Variants in LRP1 observed in about 807,000 individuals in gnomAD.
The protein encoded by LRP1 is LDL receptor related protein 1.
A neutral mutation model predicts 541.5 loss-of-function variants in LRP1; 51 were observed. The ratio of observed to expected loss-of-function variants is 0.09; its 90% CI spans 0.08 to 0.12. The LOEUF (loss-of-function observed/expected upper bound fraction) is 0.12, where lower values mean the gene tolerates loss of function less well. Ranked by LOEUF, LRP1 falls within the 10% of genes least tolerant of loss-of-function variation. The pLI is 1.00. For synonymous variants in LRP1, 2,219 were observed against 2,470.8 expected (o/e 0.90, Z 3.02); for missense variants, 3,878 against 6,376.2 (o/e 0.61, Z 13.34).
chr12:57,194,308 T>G (rs745764919), intron 48 of LRP1, 46 bp from the exon 49 acceptor site: 1 of 1,502,298 alleles, frequency 6.7e-7, no homozygotes, highest in Non-Finnish European at 8.9e-7. Flanking sequence ...CAGTCGGGGG[T>G]GATCCAGGGG....
chr12:57,191,541 C>A (rs745517391), intron 44 of LRP1, 29 bp downstream of exon 44: 8 of 1,559,706 alleles, frequency 5.1e-6, no homozygotes, highest in Non-Finnish European at 7.0e-6. Flanking sequence ...AGCTGCCTCA[C>A]CCTCCTGCCT....
rs774879041 is a variant in LRP1 at position 57,198,942 on chromosome 12, GC to G, written c.9677-268del. On this transcript the variant is annotated intron_variant, in intron 60 of 88. Transcript: ENST00000243077. ...GCCCCAAGGAGGGTGGGGGTGGGAG[GC>G]CTGCGATTGAGAACTGCAGTGCTCC... 7.1e-4 allele frequency among the ~76,000 whole-genome samples: 108 copies of G among 152,214 alleles called. No individual in the cohort carries two copies. The Middle Eastern group carries it at 0.014, about 19-fold the overall frequency.
At position 57,184,744 on chromosome 12, in the gene LRP1, G is replaced by C; in HGVS notation, c.6187-95G>C. ...GTGAGTTAGGGGAGGCTGAACTGAGGGCCTCACTCTGGCCCAGGCACTCCC... is the reference window on the plus strand; with the variant it reads ...GTGAGTTAGGGGAGGCTGAACTGAGCGCCTCACTCTGGCCCAGGCACTCCC... On this transcript the variant is annotated intron_variant, in intron 38 of 88. Transcript: ENST00000243077. The surrounding 1 kb of genome is among the most constrained non-coding windows in gnomAD (Gnocchi z 7.8). 1 of 1,353,146 alleles carries C rather than the reference G, an allele frequency of 7.4e-7. No individual in the cohort carries two copies. Among genetic ancestry groups the C allele is most frequent in the Non-Finnish European group, 1.0e-6 (1 of 983,674 alleles). 83.8% of individuals were successfully genotyped at this position (1,353,146 alleles called of 1,614,324 possible). A position where few individuals can be genotyped will look rare whatever the true frequency, so the allele number is the denominator to read the frequency against.
At chr12:57,172,656 A>G (rs529891741) in intron 20 of LRP1, among the ~76,000 whole-genome samples, 1 of 152,000 alleles carries the variant, frequency 6.6e-6, no homozygotes, top group South Asian at 2.1e-4. Flanking sequence ...GATCACCCCC[A>G]TCCCTCTCAG....
At chr12:57,150,686 A>G (rs2035509792) in intron 6 of LRP1, among the ~76,000 whole-genome samples, 2 of 152,226 alleles carry the variant, frequency 1.3e-5, no homozygotes, top group South Asian at 4.1e-4. Flanking sequence ...AGGGGAGGAC[A>G]TGGTGGGAAC....
chr12:57,156,002 T>A lies in LRP1; in HGVS notation c.1228-92T>A. 1.0e-6 allele frequency: 1 copy of A among 962,490 alleles called. No homozygotes were observed. Among genetic ancestry groups the A allele is most frequent in the Non-Finnish European group, 1.6e-6 (1 of 621,696 alleles). 59.6% of individuals were successfully genotyped at this position (962,490 alleles called of 1,614,324 possible). On this transcript the variant is annotated intron_variant, in intron 8 of 88. Transcript: ENST00000243077. The surrounding 1 kb of genome is among the most constrained non-coding windows in gnomAD (Gnocchi z 5.2). Reference sequence around the variant, plus strand: ...TACAGGATGAATTGGGGAATGCAGGTCATGAAGTCTGGAGGAAGCTGAGGG... The same window carrying A: ...TACAGGATGAATTGGGGAATGCAGGACATGAAGTCTGGAGGAAGCTGAGGG...
At chr12:57,135,194 A>G (rs566495457) in intron 1 of LRP1, among the ~76,000 whole-genome samples, 22 of 152,320 alleles carry the variant, frequency 1.4e-4, no homozygotes, top group African/African-American at 4.8e-4. Context: ...GTGGTTAGCA[A>G]GGTGAAAAAG....
In LRP1 at chr12:57,158,146, T is replaced by G. The variant is rs999748699; in HGVS notation, c.1562-256T>G. ...GATTTCATGACTGATCAGTGGGCACTTAGCTGAAAACCTGCTATTCTTCCC... is the reference window on the plus strand; with the variant it reads ...GATTTCATGACTGATCAGTGGGCACGTAGCTGAAAACCTGCTATTCTTCCC... On this transcript the variant is annotated intron_variant, in intron 10 of 88. Transcript: ENST00000243077. The surrounding 1 kb of genome is among the most constrained non-coding windows in gnomAD (Gnocchi z 5.3). Among the ~76,000 whole-genome samples the G allele has an allele frequency of 1.4e-4, 21 of 152,194 alleles. No individual in the cohort carries two copies. The highest frequency in any genetic ancestry group is 4.6e-4 in the African/African-American group (19 of 41,454).
Position 57,128,954 on chromosome 12 carries a change from C to T in LRP1, c.-11C>T, listed in dbSNP as rs576081083. 1.9e-6 allele frequency: 3 copies of T among 1,545,316 alleles called. No individual in the cohort carries two copies. Among genetic ancestry groups the T allele is most frequent in the East Asian group, 2.5e-5 (1 of 40,712 alleles). On this transcript the variant is annotated 5_prime_UTR_variant, in exon 1 of 89. Coordinates refer to ENST00000243077, the MANE Select transcript of LRP1 (RefSeq NM_002332.3). Reference sequence around the variant, plus strand: ...GAGGGGAAGGGGCTGCTGCTTGCATCAGCCCACACCATGCTGACCCCGCCG... The same window carrying T: ...GAGGGGAAGGGGCTGCTGCTTGCATTAGCCCACACCATGCTGACCCCGCCG...
At position 57,205,038 on chromosome 12, in the gene LRP1, A is replaced by T. The variant is rs998212082; in HGVS notation, c.11195-71A>T. 7 of 1,539,258 alleles carry T rather than the reference A, an allele frequency of 4.5e-6. No homozygotes were observed. In the East Asian group the frequency reaches 1.1e-4, roughly 25 times the overall value. On this transcript the variant is annotated intron_variant, in intron 72 of 88. Coordinates refer to ENST00000243077, the MANE Select transcript of LRP1 (RefSeq NM_002332.3). The surrounding 1 kb of genome is among the most constrained non-coding windows in gnomAD (Gnocchi z 4.6). ...CACTTAGGAATTGGGAGCCACTGTT[A>T]TCTATGGGGTTGCCGTGGGAGGAGG...
intron 22 of LRP1, among the ~76,000 whole-genome samples, chr12:57,174,864 T>G (rs975288327): frequency 7.2e-5 from 11 of 152,044 alleles, no homozygotes; most frequent in African/African-American, 2.4e-4. Context: ...TGGTGTGACT[T>G]GGGGATGAGG....
chr12:57,176,222 A>C, intron 24 of LRP1, 116 bp downstream of exon 24: 1 of 970,542 alleles, frequency 1.0e-6, no homozygotes, highest in Non-Finnish European at 1.5e-6. Flanking sequence ...CATCCCCCAC[A>C]CTTCTGTTCA....
At position 57,185,994 on chromosome 12, in the gene LRP1, C is replaced by T; in HGVS notation, c.6841+86C>T. 1 of 1,433,120 alleles carries T rather than the reference C, an allele frequency of 7.0e-7. No homozygotes were observed. The highest frequency in any genetic ancestry group is 9.3e-7 in the Non-Finnish European group (1 of 1,073,544). 88.8% of individuals were successfully genotyped at this position (1,433,120 alleles called of 1,614,324 possible). ...TCTTAGACCCCAGCCAGGCACTCTA[C>T]CCTAGGTCTGAATCCCAGCAGCTAC... On this transcript the variant is annotated intron_variant, in intron 41 of 88. Transcript: ENST00000243077. The surrounding 1 kb of genome is among the most constrained non-coding windows in gnomAD (Gnocchi z 4.9).
rs1592650017 is a variant in LRP1, at chr12:57,194,359, A to G, written c.7924A>G (p.Thr2642Ala). The change falls in exon 49 of 89, where the codon ACC (threonine) becomes GCC (alanine). Residue 2642 changes from threonine (T) to alanine (A), a missense_variant. By Grantham distance (58) the Thr-to-Ala change is moderately conservative. Around this residue, in one of 13 missense-constraint regions of LRP1, gnomAD observed 1,100 missense variants for 1,827.4 expected, o/e 0.60. Transcript: ENST00000243077. ...DASDEMNCSA[T>A]DCSSYFRLGV... is the part of the protein sequence containing the mutation. ...CTCACCCCTGCCCCCACCAGGTGCC[A>G]CCGACTGCAGCAGCTACTTCCGCCT... The G allele has an allele frequency of 2.0e-6, 3 of 1,510,096 alleles. No individual in the cohort carries two copies. The South Asian group carries it at 4.0e-5, about 20-fold the overall frequency. 93.5% of individuals were successfully genotyped at this position (1,510,096 alleles called of 1,614,324 possible). A position where few individuals can be genotyped will look rare whatever the true frequency, so the allele number is the denominator to read the frequency against.
chr12:57,180,063 G>A lies in LRP1; in HGVS notation c.5158G>A (p.Asp1720Asn), dbSNP rs2036131734. Residue 1720 changes from aspartate to asparagine, a missense_variant, in exon 31 of 89, where the codon GAT becomes AAT. Transcript: ENST00000243077. ...TCCCCCCAGGAAGCTCTACTGGACC[G>A]ATGGTGACAACATCAGCATGGCCAA... ...HPLRGKLYWT[D>N]GDNISMANMD... 1 of 1,613,910 alleles carries A rather than the reference G, an allele frequency of 6.2e-7. No individual in the cohort carries two copies. Among genetic ancestry groups the A allele is most frequent in the Non-Finnish European group, 8.5e-7 (1 of 1,179,982 alleles).
At chr12:57,200,887 T>G in intron 64 of LRP1, 72 bp downstream of exon 64, 1 of 1,496,496 alleles carries the variant, frequency 6.7e-7, no homozygotes, top group Non-Finnish European at 9.1e-7. Flanking sequence ...GGCTTTCAAG[T>G]GCAGGGAAGT....
At chr12:57,143,977 A>G (rs140228447) in intron 4 of LRP1, among the ~76,000 whole-genome samples, 179 bp downstream of exon 4, 1 of 152,358 alleles carries the variant, frequency 6.6e-6, no homozygotes, top group East Asian at 1.9e-4. Flanking sequence ...TGCTTCCACT[A>G]GACTTCTAAA....
Position 57,204,922 on chromosome 12 carries a change from G to A in LRP1, c.11194+173G>A. Reference sequence around the variant, plus strand: ...TTTTCGTTAGGAAAGAGAAGCCCCTGGGGAAGGCTCTGGGGGCTGCCTGAT... The same window carrying A: ...TTTTCGTTAGGAAAGAGAAGCCCCTAGGGAAGGCTCTGGGGGCTGCCTGAT... On this transcript the variant is annotated intron_variant, in intron 72 of 88. Transcript: ENST00000243077. This position sits in a 1 kb window ranked among gnomAD's most constrained non-coding sequence, Gnocchi z 5.3. 1 of 1,332,836 alleles carries A rather than the reference G, an allele frequency of 7.5e-7. No homozygotes were observed. Among genetic ancestry groups the A allele is most frequent in the Non-Finnish European group, 1.0e-6 (1 of 982,188 alleles). 82.6% of individuals were successfully genotyped at this position (1,332,836 alleles called of 1,614,324 possible). A position where few individuals can be genotyped will look rare whatever the true frequency, so the allele number is the denominator to read the frequency against.
Position 57,175,906 on chromosome 12 carries a change from C to T in LRP1, c.3794-3C>T, listed in dbSNP as rs746204375. The T allele has an allele frequency of 5.5e-5, 88 of 1,613,890 alleles. No individual in the cohort carries two copies. The highest frequency in any genetic ancestry group is 7.0e-5 in the Non-Finnish European group (83 of 1,180,024). ...TGACCCCATCACATCCCTCCCATCC[C>T]AGACCCCTTCAAGCCGTTCATCATT... On this transcript the variant is annotated splice_region_variant and splice_polypyrimidine_tract_variant and intron_variant, in intron 23 of 88. Coordinates refer to ENST00000243077, the MANE Select transcript of LRP1 (RefSeq NM_002332.3).
Sources: gnomAD v4.1 joint callset for allele counts (sites outside exome capture counted in the v4.1 genomes callset) on GRCh38, gnomAD v4.1.1 for gene constraint, gnomAD v4.1.1 regional missense constraint, Gnocchi (gnomAD v3.1) non-coding constraint, MANE v1.5 for transcripts, NCBI Gene and HGNC (gene_info 2026-07-23, HGNC 2026-07-21) for gene names.